The following VNN1 variants were observed in gnomAD, a reference collection of about 807,000 sequenced individuals.
VNN1 encodes vanin 1.
In VNN1, 29 loss-of-function variants were observed where a neutral mutation model predicts 41.9. The observed-to-expected ratio is 0.69, with a 90% CI of 0.52 to 0.94. The LOEUF (loss-of-function observed/expected upper bound fraction) is 0.94, where lower values mean the gene tolerates loss of function less well. Among genes scored for constraint, VNN1 ranks in the 40% least tolerant of loss-of-function variants. The probability of loss-of-function intolerance (pLI) is 0.00; values close to 1 mark genes in which losing one functional copy is unlikely to be tolerated. For missense variants in VNN1, 637 were observed against 621.1 expected (o/e 1.03, Z -0.27); for synonymous variants, 233 against 224.4 (o/e 1.04, Z -0.34).
chr6:132,689,258 C>T (rs769263152), intron 5 of VNN1, among the ~76,000 whole-genome samples: 17 of 151,100 alleles, frequency 1.1e-4, no homozygotes, highest in Non-Finnish European at 1.9e-4. Flanking sequence ...AAGGCTCTCT[C>T]GTTTGTTGAG....
chr6:132,712,464 A>G (rs1778616347), intron 1 of VNN1, among the ~76,000 whole-genome samples: 2 of 152,124 alleles, frequency 1.3e-5, no homozygotes, highest in South Asian at 4.1e-4. Flanking sequence ...CAAGCATTTT[A>G]ATTTTCTAAT....
In VNN1 at chr6:132,683,085, T is replaced by A. The variant is rs996305313; in HGVS notation, c.*55A>T. The A allele has an allele frequency of 4.6e-6, 7 of 1,511,416 alleles. No individual in the cohort carries two copies. Among genetic ancestry groups the A allele is most frequent in the Non-Finnish European group, 6.3e-6 (7 of 1,119,004 alleles). The allele number at this position is 1,511,416 out of a possible 1,614,324, so 93.6% of individuals were successfully genotyped here. ...TATTAACCCGGACCAATCTTTCTTT[T>A]CTCATCCATCATTTTTTAAATTATC... On this transcript the variant is annotated 3_prime_UTR_variant, in exon 7 of 7. Coordinates refer to ENST00000367928, the MANE Select transcript of VNN1 (RefSeq NM_004666.3).
chr6:132,686,309 G>A (rs549815659), intron 5 of VNN1, among the ~76,000 whole-genome samples: 2 of 152,230 alleles, frequency 1.3e-5, no homozygotes, highest in Admixed American at 6.5e-5. Context: ...TTAGCTGGGA[G>A]TGGTGGCATG....
rs1194280146 is a variant in VNN1 at position 132,682,703 on chromosome 6, A to C, written c.*437T>G. On this transcript the variant is annotated 3_prime_UTR_variant, in exon 7 of 7. Transcript: ENST00000367928. The stretch of plus-strand genomic sequence containing the variant: ...CATTATCAACCCACAAGAGAATCAA[A>C]ATGTATTGTTTAGGTAAAAAACAAA... 6.5e-6 allele frequency: 1 copy of C among 152,906 alleles called. No individual in the cohort carries two copies. Among genetic ancestry groups the C allele is most frequent in the East Asian group, 1.9e-4 (1 of 5,204 alleles). The allele number at this position is 152,906 out of a possible 1,614,324, so 9.5% of individuals were successfully genotyped here.
At position 132,694,093 on chromosome 6, in the gene VNN1, G is replaced by A. The variant is rs1778333070; in HGVS notation, c.431C>T (p.Pro144Leu). 6.2e-7 allele frequency: 1 copy of A among 1,614,134 alleles called. No individual in the cohort carries two copies. The highest frequency in any genetic ancestry group is 1.3e-5 in the African/African-American group (1 of 75,046). ...ACACTGAGGATCACTGGTATCGCATGGCTTCTTGTCCCCAATATTTGCCAC... is the reference window on the plus strand; with the variant it reads ...ACACTGAGGATCACTGGTATCGCATAGCTTCTTGTCCCCAATATTTGCCAC... ...YVVANIGDKKPCDTSDPQCPP... is the reference protein window; with the variant it reads ...YVVANIGDKKLCDTSDPQCPP... Residue 144 changes from proline (P) to leucine (L), a missense_variant, in exon 3 of 7, where the codon CCA becomes CTA. Pro to Leu is a moderately conservative substitution (Grantham distance 98). Coordinates refer to ENST00000367928, the MANE Select transcript of VNN1 (RefSeq NM_004666.3).
At chr6:132,696,360 C>T (rs2840822) in intron 2 of VNN1, among the ~76,000 whole-genome samples, 65,841 of 151,972 alleles carry the variant, frequency 0.43, 15,402 homozygotes, top group African/African-American at 0.6. Flanking sequence ...AACACATGCA[C>T]TGTGGGAGTC....
rs75914346 is a variant in VNN1, at chr6:132,711,575, C to T, written c.341+134G>A. On this transcript the variant is annotated intron_variant, in intron 2 of 6. Coordinates refer to ENST00000367928, the MANE Select transcript of VNN1 (RefSeq NM_004666.3). ...TATTTGCTCTCCCAGTAAATATACC[C>T]ATAGTAGATGAAAAATAAGCTATAC... 0.045 allele frequency: 46,066 copies of T among 1,025,242 alleles called. 1,644 individuals carry two copies. Among genetic ancestry groups the T allele is most frequent in the Admixed American group, 0.15 (5,157 of 33,422 alleles). 63.5% of individuals were successfully genotyped at this position (1,025,242 alleles called of 1,614,324 possible). A position where few individuals can be genotyped will look rare whatever the true frequency, so the allele number is the denominator to read the frequency against.
chr6:132,698,140 A>G (rs1778397960), intron 2 of VNN1, among the ~76,000 whole-genome samples: 1 of 152,206 alleles, frequency 6.6e-6, no homozygotes, highest in African/African-American at 2.4e-5. Context: ...GGTGCCTGAA[A>G]TCTGCCTGTT....
chr6:132,686,215 G>A (rs1323461662), intron 5 of VNN1, among the ~76,000 whole-genome samples: 1 of 152,180 alleles, frequency 6.6e-6, no homozygotes, highest in Non-Finnish European at 1.5e-5. Flanking sequence ...GGGAGGCCGA[G>A]GCAGGCGGAT....
intron 2 of VNN1, among the ~76,000 whole-genome samples, chr6:132,710,542 GC>G (rs1006972649): frequency 9.2e-5 from 14 of 152,092 alleles, no homozygotes; most frequent in African/African-American, 3.4e-4. Context: ...TCCCCGACAG[GC>G]CCCGGTGTGT....
chr6:132,683,157 A>C lies in VNN1; in HGVS notation c.1525T>G (p.Cys509Gly). 2 of 1,605,738 alleles carry C rather than the reference A, an allele frequency of 1.2e-6. No individual in the cohort carries two copies. Among genetic ancestry groups the C allele is most frequent in the Middle Eastern group, 1.7e-4 (1 of 6,038 alleles). The change falls in exon 7 of 7, where the codon TGC (cysteine) becomes GGC (glycine). Residue 509 changes from cysteine (C) to glycine (G), a missense_variant. By Grantham distance (159) the Cys-to-Gly change is radical. Transcript: ENST00000367928. ...TCAATATTCTACCAACTTAATGAGC[A>C]TACAATAGGTGCTATAACTATTAGC... Reference protein sequence around the residue: ...IMLIVIAPIVCSLSW With the variant: ...IMLIVIAPIVGSLSW
intron 2 of VNN1, among the ~76,000 whole-genome samples, chr6:132,706,274 A>G (rs1212014448): frequency 2.0e-5 from 3 of 152,210 alleles, no homozygotes; most frequent in African/African-American, 7.2e-5. Context: ...AGCTCTAGTA[A>G]CCAAAACTGC....
chr6:132,693,880 C>G lies in VNN1; in HGVS notation c.534+110G>C, dbSNP rs547598329. The G allele has an allele frequency of 1.1e-5, 14 of 1,274,762 alleles. No homozygotes were observed. In the African/African-American group the frequency reaches 1.3e-4, roughly 12 times the overall value. 79.0% of individuals were successfully genotyped at this position (1,274,762 alleles called of 1,614,324 possible). On this transcript the variant is annotated intron_variant, in intron 3 of 6. Transcript: ENST00000367928. ...TTATCATTACTTTCTATGCTTTGCC[C>G]CTACTCGATTTCTAAAGTGTGCTTA...
intron 5 of VNN1, among the ~76,000 whole-genome samples, chr6:132,687,453 TAAAGAAA>T (rs1181029603): frequency 6.6e-6 from 1 of 152,028 alleles, no homozygotes; most frequent in African/African-American, 2.4e-5. Flanking sequence ...AGGGAAGTGG[TAAAGAAA>T]AATCTTCACC....
At position 132,689,877 on chromosome 6, in the gene VNN1, C is replaced by G. The variant is rs548819964; in HGVS notation, c.1188+2346G>C. Among the ~76,000 whole-genome samples, 7 of 152,326 alleles carry G rather than the reference C, an allele frequency of 4.6e-5. No homozygotes were observed. In the East Asian group the frequency reaches 1.4e-3, roughly 29 times the overall value. ...TACTTCAAAACCAGCACATCTATAACTGAACTCAGCCTCTACCCACTGTCA... is the reference window on the plus strand; with the variant it reads ...TACTTCAAAACCAGCACATCTATAAGTGAACTCAGCCTCTACCCACTGTCA... On this transcript the variant is annotated intron_variant, in intron 5 of 6. Coordinates refer to ENST00000367928, the MANE Select transcript of VNN1 (RefSeq NM_004666.3).
intron 4 of VNN1, 42 bp from the exon 5 acceptor site, chr6:132,692,626 T>TA: frequency 6.6e-7 from 1 of 1,515,162 alleles, no homozygotes; most frequent in Non-Finnish European, 8.8e-7. Context: ...AATTGGAAAG[T>TA]AAAAAGGGAT....
chr6:132,708,195 C>T (rs1308863980), intron 2 of VNN1, among the ~76,000 whole-genome samples: 2 of 152,128 alleles, frequency 1.3e-5, no homozygotes, highest in Non-Finnish European at 2.9e-5. Flanking sequence ...TTCTATGATG[C>T]AATCAAAGTG....
intron 2 of VNN1, among the ~76,000 whole-genome samples, chr6:132,701,497 G>A (rs1279325557): frequency 6.6e-6 from 1 of 152,134 alleles, no homozygotes. Flanking sequence ...ACAAGACAAG[G>A]AAGCCCACCT....
At chr6:132,687,784 A>T (rs1206453100) in intron 5 of VNN1, among the ~76,000 whole-genome samples, 1 of 152,210 alleles carries the variant, frequency 6.6e-6, no homozygotes, top group Admixed American at 6.5e-5. Flanking sequence ...TTATTCTGAG[A>T]TGCTGTTGGA....
Sources: gnomAD v4.1 joint callset for allele counts (sites outside exome capture counted in the v4.1 genomes callset) on GRCh38, gnomAD v4.1.1 for gene constraint, MANE v1.5 for transcripts, NCBI Gene and HGNC (gene_info 2026-07-23, HGNC 2026-07-21) for gene names.